The following ACTR3C variants were observed in gnomAD, a reference collection of about 807,000 sequenced individuals.
The protein encoded by ACTR3C is actin-related protein 3C.
In ACTR3C, 18 loss-of-function variants were observed where a neutral mutation model predicts 26.3. That is an observed-to-expected ratio of 0.68 (90% confidence interval 0.47 to 1.01). The LOEUF (loss-of-function observed/expected upper bound fraction) is 1.01, where lower values mean the gene tolerates loss of function less well. Ranked by LOEUF, ACTR3C falls within the 50% of genes least tolerant of loss-of-function variation. The pLI, the probability that ACTR3C is intolerant of heterozygous loss-of-function variation, is 0.00. For missense variants in ACTR3C, 184 were observed against 250.7 expected, an observed-to-expected ratio of 0.73 and a Z score of 1.80; for synonymous variants, 55 against 94.5, an observed-to-expected ratio of 0.58 and a Z score of 2.42.
chr7:149,969,230 C>T, the ACTR3C span, among the ~76,000 whole-genome samples: 5 of 144,842 alleles, frequency 3.5e-5, no homozygotes, highest in African/African-American at 1.0e-4. Flanking sequence ...GGAAACAATG[C>T]CATTGGAAAT....
At chr7:149,889,518 G>A in the ACTR3C span, among the ~76,000 whole-genome samples, 2 of 152,288 alleles carry the variant, frequency 1.3e-5, no homozygotes, top group East Asian at 3.9e-4. Flanking sequence ...AGGCCAGTCA[G>A]TAGGTGAAAA....
At chr7:150,192,818 T>G in the ACTR3C span, among the ~76,000 whole-genome samples, 1 of 152,190 alleles carries the variant, frequency 6.6e-6, no homozygotes, top group East Asian at 1.9e-4. Context: ...TATTGTCAGT[T>G]CCTCACACGA....
chr7:150,276,627 C>T (rs917654153), intron 6 of ACTR3C, among the ~76,000 whole-genome samples: 1 of 152,232 alleles, frequency 6.6e-6, no homozygotes, highest in African/African-American at 2.4e-5. Flanking sequence ...TGGGAAGAGA[C>T]ATAACAATTA....
the ACTR3C span, among the ~76,000 whole-genome samples, chr7:150,169,803 A>G: frequency 6.6e-6 from 1 of 150,888 alleles, no homozygotes; most frequent in Non-Finnish European, 1.5e-5. Context: ...GAACTTTTGC[A>G]TCATTGAGCT....
chr7:150,202,670 CT>C, the ACTR3C span, among the ~76,000 whole-genome samples: 4 of 152,134 alleles, frequency 2.6e-5, no homozygotes, highest in Non-Finnish European at 5.9e-5. Flanking sequence ...CACATAAAAA[CT>C]TAGTTCCCAA....
At chr7:149,911,458 G>C in the ACTR3C span, among the ~76,000 whole-genome samples, 2 of 152,018 alleles carry the variant, frequency 1.3e-5, no homozygotes, top group African/African-American at 4.8e-5. Flanking sequence ...CTGGCACATG[G>C]CAAATACTCC....
the ACTR3C span, among the ~76,000 whole-genome samples, chr7:149,941,863 C>A: frequency 6.6e-6 from 1 of 152,118 alleles, no homozygotes; most frequent in Non-Finnish European, 1.5e-5. Context: ...CTATGGAAAA[C>A]CAATCAGGCA....
chr7:149,899,137 C>T, the ACTR3C span, among the ~76,000 whole-genome samples: 1 of 151,614 alleles, frequency 6.6e-6, no homozygotes, highest in Non-Finnish European at 1.5e-5. Flanking sequence ...CTTGCTAAAA[C>T]ACAAAATTAA....
At chr7:150,218,062 CTA>C in the ACTR3C span, among the ~76,000 whole-genome samples, 1 of 150,158 alleles carries the variant, frequency 6.7e-6, no homozygotes, top group Admixed American at 6.6e-5. Context: ...GTCGTATATG[CTA>C]TATATACGAT....
chr7:150,323,185 C>T lies in ACTR3C; in HGVS notation c.-52+284G>A, dbSNP rs1212158199. ...CGCTTCCGGCCGCACCGCCTCGCTG[C>T]CCACGCCTGCGCACTCAGGCACCGC... On this transcript the variant is annotated intron_variant, in intron 1 of 7. Transcript: ENST00000683684. 4 of 224,588 alleles carry T rather than the reference C, an allele frequency of 1.8e-5. 1 individual carries two copies. The highest frequency in any genetic ancestry group is 3.6e-5 in the Non-Finnish European group (4 of 111,562). 13.9% of individuals were successfully genotyped at this position (224,588 alleles called of 1,614,324 possible). A position where few individuals can be genotyped will look rare whatever the true frequency, so the allele number is the denominator to read the frequency against.
the ACTR3C span, among the ~76,000 whole-genome samples, chr7:150,048,488 C>T: frequency 6.6e-6 from 1 of 152,080 alleles, no homozygotes; most frequent in Non-Finnish European, 1.5e-5. Context: ...GGTGCGGGGG[C>T]GGTGGGGGAG....
chr7:150,308,851 T>A lies in ACTR3C; in HGVS notation c.-51-13504A>T, dbSNP rs150415388. ...GAGCTGAGGGCACAGTAAGGGTTCA[T>A]GTACCTTTTTCTCTATCAGACCTTT... is the stretch of plus-strand genomic sequence containing the variant. On this transcript the variant is annotated intron_variant, in intron 1 of 7. Coordinates refer to ENST00000683684, the MANE Select transcript of ACTR3C (RefSeq NM_001164458.2). Among the ~76,000 whole-genome samples, 538 of 152,300 alleles carry A rather than the reference T, an allele frequency of 3.5e-3. 2 individuals carry two copies. Among genetic ancestry groups the A allele is most frequent in the African/African-American group, 0.012 (507 of 41,560 alleles).
chr7:149,896,518 A>C, the ACTR3C span, among the ~76,000 whole-genome samples: 1 of 152,066 alleles, frequency 6.6e-6, no homozygotes, highest in Non-Finnish European at 1.5e-5. Flanking sequence ...CAAATTTGTG[A>C]CTGGCGGAAC....
chr7:149,958,982 G>A, the ACTR3C span, among the ~76,000 whole-genome samples: 1 of 152,168 alleles, frequency 6.6e-6, no homozygotes, highest in Non-Finnish European at 1.5e-5. Flanking sequence ...TGAGGCAAGG[G>A]TGGCCCCATA....
chr7:150,136,669 CATAA>C, the ACTR3C span, among the ~76,000 whole-genome samples: 1,714 of 148,348 alleles, frequency 0.012, 28 homozygotes, highest in African/African-American at 0.04. Flanking sequence ...GACTCCATCT[CATAA>C]ATAAATAAAT....
the ACTR3C span, among the ~76,000 whole-genome samples, chr7:150,111,208 C>T: frequency 4.9e-5 from 6 of 123,548 alleles, no homozygotes; most frequent in South Asian, 7.6e-4. Flanking sequence ...CTGTGAGCAC[C>T]CCCCTTTTCC....
the ACTR3C span, among the ~76,000 whole-genome samples, chr7:150,234,535 C>A: frequency 3.3e-5 from 5 of 152,156 alleles, no homozygotes; most frequent in African/African-American, 1.2e-4. Flanking sequence ...AGAGTGTGAC[C>A]CCAGGAGTTT....
chr7:150,210,723 A>G, the ACTR3C span, among the ~76,000 whole-genome samples: 16 of 149,832 alleles, frequency 1.1e-4, no homozygotes, highest in African/African-American at 3.8e-4. Flanking sequence ...TTACGGATGG[A>G]AAAAGGTAGT....
chr7:150,314,305 G>T (rs556319748), intron 1 of ACTR3C, among the ~76,000 whole-genome samples: 24 of 152,316 alleles, frequency 1.6e-4, no homozygotes, highest in Non-Finnish European at 2.8e-4. Flanking sequence ...CCCTGCCAAG[G>T]ATTCTTGAAC....
Sources: allele counts gnomAD v4.1 joint callset (sites outside exome capture counted in the v4.1 genomes callset), GRCh38; gene constraint gnomAD v4.1.1; transcripts MANE v1.5; gene names NCBI Gene and HGNC (gene_info 2026-07-23, HGNC 2026-07-21).